MTHFD1: variants seen among roughly 807,000 people sequenced by gnomAD.
MTHFD1 encodes C-1-tetrahydrofolate synthase, cytoplasmic.
Under a neutral mutation model 110.3 loss-of-function variants are expected in MTHFD1, and 44 were observed. The observed-to-expected ratio is 0.40, with a 90% CI of 0.31 to 0.51. MTHFD1 has a LOEUF of 0.51. Among genes scored for constraint, MTHFD1 ranks in the 20% least tolerant of loss-of-function variants. The pLI is 0.60. For synonymous variants in MTHFD1, 402 were observed against 428.8 expected, an observed-to-expected ratio of 0.94 and a Z score of 0.77; for missense variants, 909 against 1,173.1, an observed-to-expected ratio of 0.77 and a Z score of 3.29.
intron 8 of MTHFD1, among the ~76,000 whole-genome samples, chr14:64,420,287 G>A (rs1228570175): frequency 6.6e-6 from 1 of 152,144 alleles, no homozygotes; most frequent in East Asian, 1.9e-4. Flanking sequence ...TTATTGCAAA[G>A]TGCTATGAGA....
Position 64,407,040 on chromosome 14 carries a change from C to A in MTHFD1, c.127-4050C>A, listed in dbSNP as rs899207751. Among the ~76,000 whole-genome samples, 3 of 152,106 alleles carry A rather than the reference C, an allele frequency of 2.0e-5. No individual in the cohort carries two copies. In the South Asian group the frequency reaches 6.2e-4, roughly 32 times the overall value. On this transcript the variant is annotated intron_variant, in intron 2 of 27. Coordinates refer to ENST00000652337, the MANE Select transcript of MTHFD1 (RefSeq NM_005956.4). ...TTTCCTAATTCCTTAGCAATGCATT[C>A]AAGAACATTCATGATCTGGCCCAAG...
At chr14:64,424,728 G>A (rs1156424605) in intron 8 of MTHFD1, 76 bp from the exon 9 acceptor site, 2 of 1,545,902 alleles carry the variant, frequency 1.3e-6, no homozygotes, top group African/African-American at 1.4e-5. Context: ...CTACAATTCT[G>A]CTGAGTTTTT....
At chr14:64,439,274 T>G (rs1396870755) in intron 17 of MTHFD1, 102 bp downstream of exon 17, 2 of 859,766 alleles carry the variant, frequency 2.3e-6, no homozygotes, top group African/African-American at 3.3e-5. Context: ...CTGCCAGGTG[T>G]TGTTCTGCCT....
At chr14:64,415,523 A>G in intron 5 of MTHFD1, 29 bp downstream of exon 5, 1 of 1,613,942 alleles carries the variant, frequency 6.2e-7, no homozygotes, top group Middle Eastern at 1.6e-4. Flanking sequence ...CCTATGTCTC[A>G]TTGCATGCTT....
chr14:64,425,815 C>T lies in MTHFD1; in HGVS notation c.941C>T (p.Thr314Ile). ...MIQYNNLNLK[T>I]PVPSDIDISR... is the part of the protein sequence containing the mutation. ...CAGTATAACAACCTTAACCTCAAGA[C>T]ACCTGTTCCAAGGTAAAAATAAAGT... The change falls in exon 10 of 28, where the codon ACA becomes ATA. Residue 314 changes from threonine to isoleucine, a missense_variant. Physicochemically the swap from Thr to Ile is moderately conservative, Grantham distance 89 (BLOSUM62 -1). Coordinates refer to ENST00000652337, the MANE Select transcript of MTHFD1 (RefSeq NM_005956.4). 6.2e-7 allele frequency: 1 copy of T among 1,613,642 alleles called. No homozygotes were observed. The highest frequency in any genetic ancestry group is 1.7e-5 in the Admixed American group (1 of 60,022).
chr14:64,405,089 C>T (rs1596534251), intron 2 of MTHFD1, among the ~76,000 whole-genome samples: 1 of 152,200 alleles, frequency 6.6e-6, no homozygotes, highest in African/African-American at 2.4e-5. Flanking sequence ...GGCATGTTCT[C>T]TGCTGTGGTG....
rs748206731 is a variant in MTHFD1 at position 64,417,466 on chromosome 14, C to T, written c.479-422C>T. The stretch of plus-strand genomic sequence containing the variant: ...ACTTACCAAAGTTAGAAGGAATTAC[C>T]GATACTAATCTAATTTCTTACACAT... On this transcript the variant is annotated intron_variant, in intron 6 of 27. Coordinates refer to ENST00000652337, the MANE Select transcript of MTHFD1 (RefSeq NM_005956.4). This position sits in a 1 kb window ranked among gnomAD's most constrained non-coding sequence, Gnocchi z 4.4. Among the ~76,000 whole-genome samples the T allele has an allele frequency of 1.3e-4, 20 of 152,152 alleles. 1 individual carries two copies. The highest frequency in any genetic ancestry group is 2.1e-4 in the South Asian group (1 of 4,834).
chr14:64,406,075 G>T (rs917996583), intron 2 of MTHFD1, among the ~76,000 whole-genome samples: 2 of 148,620 alleles, frequency 1.3e-5, no homozygotes, highest in Admixed American at 1.4e-4. Flanking sequence ...TTTTGCTCTT[G>T]TCACCCAGGC....
intron 12 of MTHFD1, among the ~76,000 whole-genome samples, chr14:64,428,757 T>C (rs1453188483): frequency 6.6e-6 from 1 of 151,242 alleles, no homozygotes; most frequent in Non-Finnish European, 1.5e-5. Context: ...TTTCACTATA[T>C]TGGCCAGGCT....
chr14:64,411,758 G>A (rs972867949), intron 3 of MTHFD1, among the ~76,000 whole-genome samples: 5 of 152,094 alleles, frequency 3.3e-5, no homozygotes, highest in Admixed American at 1.3e-4. Flanking sequence ...AAAATTAGCT[G>A]GGTGTGGTGG....
intron 1 of MTHFD1, among the ~76,000 whole-genome samples, chr14:64,391,013 G>A (rs920138842): frequency 1.1e-4 from 16 of 152,176 alleles, no homozygotes; most frequent in African/African-American, 3.6e-4. Context: ...AATCATTTGA[G>A]GCCAGAAAAG....
chr14:64,405,459 T>C (rs1032997359), intron 2 of MTHFD1, among the ~76,000 whole-genome samples: 9 of 152,244 alleles, frequency 5.9e-5, no homozygotes, highest in African/African-American at 2.2e-4. Context: ...ACAAGGTTTA[T>C]ATAATATGTT....
chr14:64,434,944 CTTTTCT>C (rs2078192402), intron 15 of MTHFD1, among the ~76,000 whole-genome samples: 1 of 89,566 alleles, frequency 1.1e-5, no homozygotes, highest in South Asian at 3.2e-4. Context: ...AGCTCTCCCT[CTTTTCT>C]TTTTTTTTTT....
intron 2 of MTHFD1, among the ~76,000 whole-genome samples, chr14:64,406,823 C>A (rs2077939574): frequency 6.6e-6 from 1 of 152,108 alleles, no homozygotes; most frequent in South Asian, 2.1e-4. Flanking sequence ...TACAATAATT[C>A]AAATTGTTTG....
chr14:64,421,793 T>C (rs1156408013), intron 8 of MTHFD1, among the ~76,000 whole-genome samples: 1 of 151,872 alleles, frequency 6.6e-6, no homozygotes, highest in Non-Finnish European at 1.5e-5. Flanking sequence ...CCGGCTAATT[T>C]TTTTTGTATT....
chr14:64,405,615 T>C (rs2077930275), intron 2 of MTHFD1, among the ~76,000 whole-genome samples: 1 of 152,206 alleles, frequency 6.6e-6, no homozygotes, highest in Non-Finnish European at 1.5e-5. Flanking sequence ...TAGGGGCTAT[T>C]GTCCTATTGA....
chr14:64,457,454 T>C (rs2078493119), intron 26 of MTHFD1, among the ~76,000 whole-genome samples: 1 of 147,232 alleles, frequency 6.8e-6, no homozygotes, highest in African/African-American at 2.5e-5. Context: ...GTTTCTTTTC[T>C]TTTCCTTTTT....
intron 26 of MTHFD1, among the ~76,000 whole-genome samples, chr14:64,457,784 A>G (rs1418515743): frequency 1.3e-5 from 2 of 152,150 alleles, no homozygotes; most frequent in East Asian, 3.9e-4. Context: ...TTTTAACAGG[A>G]TCAGTGACTT....
At chr14:64,404,774 T>C (rs1004778672) in intron 2 of MTHFD1, among the ~76,000 whole-genome samples, 2 of 152,076 alleles carry the variant, frequency 1.3e-5, no homozygotes, top group African/African-American at 4.8e-5. Context: ...AGTTTGAGAC[T>C]AGCCTGGCCA....
Sources: allele counts gnomAD v4.1 joint callset (sites outside exome capture counted in the v4.1 genomes callset), GRCh38; gene constraint gnomAD v4.1.1; non-coding constraint Gnocchi (gnomAD v3.1); transcripts MANE v1.5; gene names NCBI Gene and HGNC (gene_info 2026-07-23, HGNC 2026-07-21).